UBE2F: variants seen among roughly 807,000 people sequenced by gnomAD.
UBE2F encodes ubiquitin conjugating enzyme E2 F (putative), also known as NEDD8-conjugating enzyme UBE2F.
UBE2F carries 5 observed loss-of-function variants against 29.6 expected under a neutral mutation model. The observed-to-expected ratio is 0.17, with a 90% CI of 0.09 to 0.36. The LOEUF (loss-of-function observed/expected upper bound fraction) is 0.36. Ranked by LOEUF, UBE2F falls within the 10% of genes least tolerant of loss-of-function variation. The pLI is 1.00. For missense variants in UBE2F, 141 were observed against 228.5 expected (o/e 0.62, Z 2.47); for synonymous variants, 66 against 81.8 (o/e 0.81, Z 1.04).
intron 4 of UBE2F, among the ~76,000 whole-genome samples, chr2:238,004,751 T>A (rs2063866628): frequency 6.6e-6 from 1 of 152,182 alleles, no homozygotes; most frequent in African/African-American, 2.4e-5. Context: ...CTGGAGTTTC[T>A]AGGTGGACCC....
intron 1 of UBE2F, chr2:237,968,767 A>G (rs62194508): frequency 6.1e-6 from 5 of 817,228 alleles, no homozygotes; most frequent in South Asian, 5.6e-5. Flanking sequence ...TTAGAAACTG[A>G]GAATGCTGTT....
chr2:238,030,221 A>G, intron 6 of UBE2F, among the ~76,000 whole-genome samples: 1 of 152,198 alleles, frequency 6.6e-6, no homozygotes, highest in Non-Finnish European at 1.5e-5. Flanking sequence ...GGCATGAGCC[A>G]CCATACCCAG....
rs552028525 is a variant in UBE2F at position 237,994,959 on chromosome 2, A to G, written c.214+150A>G. The G allele has an allele frequency of 7.9e-6, 5 of 635,332 alleles. No individual in the cohort carries two copies. In the South Asian group the frequency reaches 9.7e-5, roughly 12 times the overall value. The allele number at this position is 635,332 out of a possible 1,614,324, so 39.4% of individuals were successfully genotyped here. A position where few individuals can be genotyped will look rare whatever the true frequency, so the allele number is the denominator to read the frequency against. ...CATATGAAGATAAGATATATACTTC[A>G]TAGTGAATGAAATAAAGCATATTAA... On this transcript the variant is annotated intron_variant, in intron 4 of 9. Transcript: ENST00000272930.
chr2:237,973,826 G>A, intron 2 of UBE2F: 1 of 515,534 alleles, frequency 1.9e-6, no homozygotes, highest in Non-Finnish European at 2.6e-6. Flanking sequence ...GCATTCATTT[G>A]TATGTTTGAG....
intron 4 of UBE2F, among the ~76,000 whole-genome samples, chr2:238,008,787 C>G (rs895089336): frequency 1.3e-5 from 2 of 152,140 alleles, no homozygotes; most frequent in Admixed American, 6.5e-5. Context: ...TATTATAGTT[C>G]TCATTTGTTT....
intron 5 of UBE2F, among the ~76,000 whole-genome samples, chr2:238,020,073 T>A (rs1238560490): frequency 6.6e-6 from 1 of 152,114 alleles, no homozygotes; most frequent in Non-Finnish European, 1.5e-5. Context: ...CTCCAGGGGA[T>A]CATTAGGGTG....
chr2:238,037,478 C>T (rs1042864109), intron 9 of UBE2F, among the ~76,000 whole-genome samples: 1 of 152,276 alleles, frequency 6.6e-6, no homozygotes, highest in East Asian at 1.9e-4. Flanking sequence ...TGGCTGGCGT[C>T]GAGGTAGCTC....
At chr2:237,973,305 C>T in intron 2 of UBE2F, 80 bp downstream of exon 2, 1 of 1,441,778 alleles carries the variant, frequency 6.9e-7, no homozygotes, top group Non-Finnish European at 9.6e-7. Flanking sequence ...GGATATAAAG[C>T]AACCTACTGC....
intron 2 of UBE2F, among the ~76,000 whole-genome samples, chr2:237,987,005 G>C (rs1355443956): frequency 6.6e-6 from 1 of 151,974 alleles, no homozygotes; most frequent in East Asian, 1.9e-4. Flanking sequence ...TTTTAGAATT[G>C]TTTTTTTAAT....
intron 9 of UBE2F, among the ~76,000 whole-genome samples, chr2:238,036,485 G>C (rs1463819833): frequency 1.3e-5 from 2 of 152,130 alleles, no homozygotes; most frequent in Non-Finnish European, 2.9e-5. Flanking sequence ...CAGCCGAGAA[G>C]TGATTTTTTT....
chr2:237,998,627 T>A (rs868390436), intron 4 of UBE2F, among the ~76,000 whole-genome samples: 4,026 of 151,854 alleles, frequency 0.027, 174 homozygotes, highest in African/African-American at 0.093. Flanking sequence ...TTTTTTTTTT[T>A]TACAAGCTTT....
At chr2:238,003,834 A>G (rs545919183) in intron 4 of UBE2F, among the ~76,000 whole-genome samples, 1 of 152,294 alleles carries the variant, frequency 6.6e-6, no homozygotes, top group South Asian at 2.1e-4. Flanking sequence ...TGACAGGCCT[A>G]CGCACTCACA....
At chr2:238,033,276 G>C (rs1011219211) in intron 8 of UBE2F, among the ~76,000 whole-genome samples, 5 of 152,242 alleles carry the variant, frequency 3.3e-5, no homozygotes, top group Admixed American at 3.3e-4. Flanking sequence ...AGGCTAAATG[G>C]ACTCAGCCAA....
At chr2:238,002,401 C>G (rs977742968) in intron 4 of UBE2F, among the ~76,000 whole-genome samples, 1 of 152,112 alleles carries the variant, frequency 6.6e-6, no homozygotes, top group Non-Finnish European at 1.5e-5. Flanking sequence ...GTATATCTCC[C>G]AATTTTTATA....
At chr2:237,980,766 C>T (rs887198915) in intron 2 of UBE2F, among the ~76,000 whole-genome samples, 1 of 152,292 alleles carries the variant, frequency 6.6e-6, no homozygotes, top group East Asian at 1.9e-4. Flanking sequence ...CATGTGTGCC[C>T]AGCCCCAGTG....
At position 237,967,858 on chromosome 2, in the gene UBE2F, C is replaced by G. The variant is rs1211507929; in HGVS notation, c.-17+726C>G. 6.6e-6 allele frequency among the ~76,000 whole-genome samples: 1 copy of G among 152,134 alleles called. No individual in the cohort carries two copies. The highest frequency in any genetic ancestry group is 1.5e-5 in the Non-Finnish European group (1 of 68,022). On this transcript the variant is annotated intron_variant, in intron 1 of 9. Coordinates refer to ENST00000272930, the MANE Select transcript of UBE2F (RefSeq NM_080678.3). This position sits in a 1 kb window ranked among gnomAD's most constrained non-coding sequence, Gnocchi z 6.3. ...TGTGTCATCTTGGGTGTGGCCTTCC[C>G]CTCCCTGGGCTCAGTTTCCTCATCT...
chr2:238,027,767 G>A (rs569998940), intron 6 of UBE2F, among the ~76,000 whole-genome samples: 2 of 152,362 alleles, frequency 1.3e-5, no homozygotes, highest in East Asian at 3.9e-4. Flanking sequence ...CGCACCTCTG[G>A]TTTGTGGTGA....
intron 5 of UBE2F, among the ~76,000 whole-genome samples, chr2:238,018,172 C>T (rs886448643): frequency 1.3e-5 from 2 of 152,222 alleles, no homozygotes; most frequent in East Asian, 1.9e-4. Context: ...GCACCATGTC[C>T]GGTGGGAGGT....
At chr2:238,038,191 G>A (rs1163200390) in intron 9 of UBE2F, among the ~76,000 whole-genome samples, 1 of 152,238 alleles carries the variant, frequency 6.6e-6, no homozygotes, top group Non-Finnish European at 1.5e-5. Flanking sequence ...GGCATGGGGA[G>A]TGGTGCAGTG....
Sources: allele counts gnomAD v4.1 joint callset (sites outside exome capture counted in the v4.1 genomes callset), GRCh38; gene constraint gnomAD v4.1.1; non-coding constraint Gnocchi (gnomAD v3.1); transcripts MANE v1.5; gene names NCBI Gene and HGNC (gene_info 2026-07-23, HGNC 2026-07-21).